The following LHFPL3 variants were observed in gnomAD, a reference collection of about 807,000 sequenced individuals.
LHFPL3 encodes LHFPL tetraspan subfamily member 3.
Under a neutral mutation model 19.3 loss-of-function variants are expected in LHFPL3, and 5 were observed. The ratio of observed to expected loss-of-function variants is 0.26; its 90% CI spans 0.14 to 0.54. The LOEUF (loss-of-function observed/expected upper bound fraction) is 0.54. Ranked by LOEUF, LHFPL3 falls within the 20% of genes least tolerant of loss-of-function variation. The probability of loss-of-function intolerance (pLI) is 0.94; values close to 1 mark genes in which losing one functional copy is unlikely to be tolerated. For missense variants in LHFPL3, 249 were observed against 307.4 expected, an observed-to-expected ratio of 0.81 and a Z score of 1.42; for synonymous variants, 133 against 126.2, an observed-to-expected ratio of 1.05 and a Z score of -0.36.
intron 1 of LHFPL3, among the ~76,000 whole-genome samples, chr7:104,496,923 C>A (rs936181164): frequency 6.6e-6 from 1 of 152,000 alleles, no homozygotes; most frequent in Non-Finnish European, 1.5e-5. Context: ...TCTCCAGTAC[C>A]CCAAAGTATT....
chr7:104,705,222 C>T (rs1793170091), intron 1 of LHFPL3, among the ~76,000 whole-genome samples: 1 of 152,110 alleles, frequency 6.6e-6, no homozygotes, highest in Admixed American at 6.5e-5. Flanking sequence ...TTAAGTCTAT[C>T]TTCAGAGAAA....
chr7:104,461,800 A>T (rs1406814140), intron 1 of LHFPL3, among the ~76,000 whole-genome samples: 1 of 152,150 alleles, frequency 6.6e-6, no homozygotes, highest in African/African-American at 2.4e-5. Flanking sequence ...TGTCATTGGT[A>T]GTTTAATAGG....
chr7:104,555,856 T>C (rs1470544987), intron 1 of LHFPL3, among the ~76,000 whole-genome samples: 1 of 152,168 alleles, frequency 6.6e-6, no homozygotes, highest in East Asian at 1.9e-4. Flanking sequence ...ACTTCCTAGA[T>C]ATAATGGGGG....
intron 1 of LHFPL3, among the ~76,000 whole-genome samples, chr7:104,701,215 T>G (rs917417436): frequency 1.3e-5 from 2 of 152,192 alleles, no homozygotes; most frequent in Non-Finnish European, 2.9e-5. Flanking sequence ...AAGCCTGATA[T>G]CAGTCTGATT....
intron 2 of LHFPL3, among the ~76,000 whole-genome samples, chr7:104,814,536 G>A (rs1316495674): frequency 2.0e-5 from 3 of 152,174 alleles, no homozygotes; most frequent in Non-Finnish European, 4.4e-5. Context: ...GGAACTGGCA[G>A]CCTGACTCCC....
intron 1 of LHFPL3, among the ~76,000 whole-genome samples, chr7:104,575,582 A>C (rs1012379010): frequency 1.3e-5 from 2 of 149,242 alleles, no homozygotes; most frequent in Middle Eastern, 3.2e-3. Flanking sequence ...AAAAAAAAAA[A>C]AAAACAGAAA....
chr7:104,462,503 A>G lies in LHFPL3; in HGVS notation c.445+133279A>G, dbSNP rs538170170. On this transcript the variant is annotated intron_variant, in intron 1 of 2. Coordinates refer to ENST00000424859, the MANE Select transcript of LHFPL3 (RefSeq NM_199000.3). ...AGATAATCATGATGTATCTATTGAG[A>G]TTTATCTTTAGTTCTGTTTATGTGA... Among the ~76,000 whole-genome samples, 4 of 151,964 alleles carry G rather than the reference A, an allele frequency of 2.6e-5. No individual in the cohort carries two copies. In the South Asian group the frequency reaches 6.2e-4, roughly 24 times the overall value.
chr7:104,791,162 A>G (rs1237315974), intron 2 of LHFPL3, among the ~76,000 whole-genome samples: 1 of 152,176 alleles, frequency 6.6e-6, no homozygotes, highest in Non-Finnish European at 1.5e-5. Context: ...AGTTATCACC[A>G]TTGTGTGTTC....
chr7:104,867,761 C>T (rs1427647316), intron 2 of LHFPL3, among the ~76,000 whole-genome samples: 2 of 152,242 alleles, frequency 1.3e-5, no homozygotes, highest in East Asian at 3.9e-4. Context: ...CAAAGCCTGG[C>T]AGAGACACAA....
intron 2 of LHFPL3, among the ~76,000 whole-genome samples, chr7:104,764,156 C>T (rs1350590418): frequency 2.6e-5 from 4 of 152,062 alleles, no homozygotes; most frequent in Admixed American, 6.6e-5. Context: ...GATGGACAGT[C>T]CTTTTTTTGT....
intron 1 of LHFPL3, among the ~76,000 whole-genome samples, chr7:104,565,793 C>G (rs1048415697): frequency 2.0e-5 from 3 of 150,682 alleles, no homozygotes; most frequent in African/African-American, 4.9e-5. Flanking sequence ...TCTGTCTAAT[C>G]TATCTATCAT....
intron 1 of LHFPL3, among the ~76,000 whole-genome samples, chr7:104,564,415 T>C (rs979399968): frequency 2.3e-4 from 35 of 152,252 alleles, no homozygotes; most frequent in African/African-American, 8.2e-4. Flanking sequence ...CATTCAATTC[T>C]GTTTCATTCC....
intron 1 of LHFPL3, among the ~76,000 whole-genome samples, chr7:104,726,600 G>A (rs1793596120): frequency 6.6e-6 from 1 of 152,176 alleles, no homozygotes; most frequent in Admixed American, 6.5e-5. Context: ...TTCTGTTCCT[G>A]CATTAGTTTG....
intron 1 of LHFPL3, among the ~76,000 whole-genome samples, chr7:104,680,729 G>A (rs1179532614): frequency 2.0e-5 from 3 of 152,104 alleles, no homozygotes; most frequent in Non-Finnish European, 4.4e-5. Context: ...ATGAGATGCT[G>A]CCATCTCTAA....
At chr7:104,868,515 C>A (rs189299907) in intron 2 of LHFPL3, among the ~76,000 whole-genome samples, 193 of 152,288 alleles carry the variant, frequency 1.3e-3, no homozygotes, top group African/African-American at 4.3e-3. Flanking sequence ...ATCCAACTTA[C>A]AAGGGACGTG....
At chr7:104,715,127 C>A (rs953947143) in intron 1 of LHFPL3, among the ~76,000 whole-genome samples, 1 of 151,964 alleles carries the variant, frequency 6.6e-6, no homozygotes, top group Non-Finnish European at 1.5e-5. Flanking sequence ...CATAGGGAGA[C>A]CTCATCTCTA....
intron 1 of LHFPL3, among the ~76,000 whole-genome samples, chr7:104,486,758 C>T (rs960662193): frequency 6.6e-6 from 1 of 152,054 alleles, no homozygotes; most frequent in Non-Finnish European, 1.5e-5. Context: ...CTATTTATGT[C>T]TGCTTTTATT....
chr7:104,808,009 T>C (rs1031740925), intron 2 of LHFPL3, among the ~76,000 whole-genome samples: 3 of 152,236 alleles, frequency 2.0e-5, no homozygotes, highest in African/African-American at 7.2e-5. Flanking sequence ...TGGCCAGGAC[T>C]ATACTCCATC....
At chr7:104,496,214 G>A (rs900701999) in intron 1 of LHFPL3, among the ~76,000 whole-genome samples, 3 of 152,110 alleles carry the variant, frequency 2.0e-5, no homozygotes, top group Non-Finnish European at 2.9e-5. Flanking sequence ...GTGAGAATAT[G>A]CGGTGTTTGG....
Sources: gnomAD v4.1 joint callset for allele counts (sites outside exome capture counted in the v4.1 genomes callset) on GRCh38, gnomAD v4.1.1 for gene constraint, MANE v1.5 for transcripts, NCBI Gene and HGNC (gene_info 2026-07-23, HGNC 2026-07-21) for gene names.